Variants in KRT222 observed in about 807,000 individuals in gnomAD.
The protein encoded by KRT222 is keratin 222.
In KRT222, 23 loss-of-function variants were observed where a neutral mutation model predicts 35.0. The observed-to-expected ratio is 0.66, with a 90% CI of 0.47 to 0.93. KRT222 has a LOEUF of 0.93. KRT222 is among the 40% of genes least tolerant of loss of function. The pLI is 0.00. For synonymous variants in KRT222, 108 were observed against 118.8 expected, an observed-to-expected ratio of 0.91 and a Z score of 0.59; for missense variants, 339 against 346.3, an observed-to-expected ratio of 0.98 and a Z score of 0.17.
chr17:40,658,716 GT>G (rs1282785144), intron 3 of KRT222, among the ~76,000 whole-genome samples: 1 of 152,048 alleles, frequency 6.6e-6, no homozygotes, highest in Non-Finnish European at 1.5e-5. Context: ...GGCTAAAGTT[GT>G]TTCACCTAGT....
Position 40,659,151 on chromosome 17 carries a change from CTCTCTCT to C in KRT222, c.446+829_446+835del, listed in dbSNP as rs1419376615. ...AAAGTTAGGAAAGGTCTCTCTCTCTCTCTCTCTTTTTTTTTTTTTTTTGAGGTGGAGT... is the reference window on the plus strand; with the variant it reads ...AAAGTTAGGAAAGGTCTCTCTCTCTCTTTTTTTTTTTTTTTGAGGTGGAGT... On this transcript the variant is annotated intron_variant, in intron 3 of 5. Coordinates refer to ENST00000394052, the MANE Select transcript of KRT222 (RefSeq NM_152349.3). 1.1e-3 allele frequency among the ~76,000 whole-genome samples: 158 copies of C among 140,148 alleles called. 2 individuals carry two copies. Among genetic ancestry groups the C allele is most frequent in the Admixed American group, 0.01 (138 of 13,662 alleles). 91.9% of individuals were successfully genotyped at this position (140,148 alleles called of 152,430 possible).
At chr17:40,656,712 A>G (rs1597756210) in intron 5 of KRT222, 82 bp from the exon 6 acceptor site, 4 of 697,216 alleles carry the variant, frequency 5.7e-6, no homozygotes, top group Non-Finnish European at 9.4e-6. Context: ...ATATCTATGG[A>G]AAAATCAAGA....
Position 40,661,966 on chromosome 17 carries a change from G to T in KRT222, c.175C>A (p.Arg59=). Reference sequence around the variant, plus strand: ...ACTTGCAGGTGGTGCCACTGGCGTCGGGCCTCCTTGAGTTCTGCTTGAGCT... The same window carrying T: ...ACTTGCAGGTGGTGCCACTGGCGTCTGGCCTCCTTGAGTTCTGCTTGAGCT... ...KAAQAELKEA[R]RQWHHLQVEI... The change falls in exon 2 of 6, where the codon CGA becomes AGA. Residue 59 remains arginine (R), a synonymous_variant. Transcript: ENST00000394052. 6.2e-7 allele frequency: 1 copy of T among 1,614,050 alleles called. No homozygotes were observed. Among genetic ancestry groups the T allele is most frequent in the Non-Finnish European group, 8.5e-7 (1 of 1,180,008 alleles).
At chr17:40,664,928 G>C in intron 1 of KRT222, 76 bp downstream of exon 1, 1 of 1,606,028 alleles carries the variant, frequency 6.2e-7, no homozygotes. Context: ...GTACCTCAGA[G>C]AGGCCGGGAC....
chr17:40,661,846 T>C, intron 2 of KRT222, 70 bp downstream of exon 2: 1 of 1,543,698 alleles, frequency 6.5e-7, no homozygotes, highest in Non-Finnish European at 8.8e-7. Flanking sequence ...CAGACATTCA[T>C]CTTTTCCTTC....
In KRT222 at chr17:40,657,445, T is replaced by C; in HGVS notation, c.566A>G (p.Lys189Arg). 6.2e-7 allele frequency: 1 copy of C among 1,609,540 alleles called. No individual in the cohort carries two copies. Among genetic ancestry groups the C allele is most frequent in the Non-Finnish European group, 8.5e-7 (1 of 1,177,884 alleles). Residue 189 changes from lysine to arginine, a missense_variant, in exon 5 of 6, where the codon AAG becomes AGG. Transcript: ENST00000394052. Reference sequence around the variant, plus strand: ...TGTTTCTACATTTTCATTCTCATACTTTTGTGGGACTTTTGTAGTAAAAGA... The same window carrying C: ...TGTTTCTACATTTTCATTCTCATACCTTTGTGGGACTTTTGTAGTAAAAGA... ...EISFTTKVPQKYENENVETVT... is the reference protein window; with the variant it reads ...EISFTTKVPQRYENENVETVT...
chr17:40,664,438 T>G (rs1483021168), intron 1 of KRT222, among the ~76,000 whole-genome samples: 1 of 152,136 alleles, frequency 6.6e-6, no homozygotes, highest in Non-Finnish European at 1.5e-5. Context: ...CGTTACCAAT[T>G]TGGGGAATTT....
chr17:40,662,156 C>T, intron 1 of KRT222, 112 bp from the exon 2 acceptor site: 1 of 1,345,824 alleles, frequency 7.4e-7, no homozygotes, highest in Non-Finnish European at 1.0e-6. Flanking sequence ...AAGCATTTTT[C>T]CTTAACTCAT....
intron 3 of KRT222, 21 bp from the exon 4 acceptor site, chr17:40,657,771 A>G: frequency 1.3e-6 from 2 of 1,521,224 alleles, no homozygotes; most frequent in Non-Finnish European, 1.8e-6. Flanking sequence ...AAAGAATTTT[A>G]TTTTAAGAGC....
rs2037333946 is a variant in KRT222 at position 40,654,932 on chromosome 17, T to A, written c.*1470A>T. On this transcript the variant is annotated 3_prime_UTR_variant, in exon 6 of 6. Transcript: ENST00000394052. ...CCAGACTAAAAGGAATCTGAAGTAA[T>A]TGAAAGAAAATTAAAAATTTTATAT... The A allele has an allele frequency of 6.6e-6, 1 of 150,408 alleles. No homozygotes were observed. The highest frequency in any genetic ancestry group is 2.1e-4 in the South Asian group (1 of 4,820). 9.3% of individuals were successfully genotyped at this position (150,408 alleles called of 1,614,324 possible).
chr17:40,657,291 G>A (rs565722051), intron 5 of KRT222, 61 bp downstream of exon 5: 265 of 1,165,018 alleles, frequency 2.3e-4, no homozygotes, highest in South Asian at 1.1e-3. Flanking sequence ...CTGGGATTAC[G>A]CAAAGTTAAT....
intron 1 of KRT222, among the ~76,000 whole-genome samples, chr17:40,662,895 T>C (rs2037392610): frequency 6.6e-6 from 1 of 152,052 alleles, no homozygotes; most frequent in Admixed American, 6.5e-5. Flanking sequence ...AACTTTTAAT[T>C]TTCTTATAAA....
intron 5 of KRT222, 80 bp from the exon 6 acceptor site, chr17:40,656,710 G>A: frequency 1.3e-5 from 9 of 717,404 alleles, no homozygotes; most frequent in Non-Finnish European, 1.8e-5. Flanking sequence ...TCATATCTAT[G>A]GAAAAATCAA....
rs2037341974 is a variant in KRT222 at position 40,656,126 on chromosome 17, G to A, written c.*276C>T. The stretch of plus-strand genomic sequence containing the variant: ...TGATGAAGTTTCAAGGGAAAAAGAA[G>A]ACTATTGGGAGAATATAAAGAAAGA... On this transcript the variant is annotated 3_prime_UTR_variant, in exon 6 of 6. Transcript: ENST00000394052. The A allele has an allele frequency of 3.8e-6, 1 of 263,790 alleles. No individual in the cohort carries two copies. Among genetic ancestry groups the A allele is most frequent in the Admixed American group, 4.9e-5 (1 of 20,246 alleles). The allele number at this position is 263,790 out of a possible 1,614,324, so 16.3% of individuals were successfully genotyped here.
At chr17:40,656,691 T>A in intron 5 of KRT222, 61 bp from the exon 6 acceptor site, 5 of 867,972 alleles carry the variant, frequency 5.8e-6, no homozygotes, top group Non-Finnish European at 7.3e-6. Flanking sequence ...AAAATATGTA[T>A]TATATATTTC....
chr17:40,656,678 T>C, intron 5 of KRT222, 48 bp from the exon 6 acceptor site: 1 of 1,008,722 alleles, frequency 9.9e-7, no homozygotes, highest in Non-Finnish European at 1.5e-6. Context: ...TATGGGTCTA[T>C]TAAAAATATG....
chr17:40,656,633 GA>G lies in KRT222; in HGVS notation c.660-4del. 1 of 1,543,622 alleles carries G rather than the reference GA, an allele frequency of 6.5e-7. No individual in the cohort carries two copies. The highest frequency in any genetic ancestry group is 1.1e-5 in the South Asian group (1 of 89,160). ...TAACTTCATCCACTTTCTCTGTCCT[GA>G]AATGATAAAATAAACCTTTTAATAA... On this transcript the variant is annotated splice_polypyrimidine_tract_variant and splice_region_variant and intron_variant, in intron 5 of 5. Coordinates refer to ENST00000394052, the MANE Select transcript of KRT222 (RefSeq NM_152349.3).
chr17:40,657,420 T>G lies in KRT222; in HGVS notation c.591A>C (p.Thr197=), dbSNP rs752566287. Residue 197 remains threonine (T), a synonymous_variant, in exon 5 of 6, where the codon ACA becomes ACC. Transcript: ENST00000394052. ...PQKYENENVE[T]VTKQAILNGS... ...CATTTAAGATTGCCTGTTTGGTTAC[T>G]GTTTCTACATTTTCATTCTCATACT... The G allele has an allele frequency of 1.9e-6, 3 of 1,611,160 alleles. No homozygotes were observed. In the South Asian group the frequency reaches 3.3e-5, roughly 18 times the overall value.
At chr17:40,659,580 T>C (rs1173381978) in intron 3 of KRT222, among the ~76,000 whole-genome samples, 2 of 152,070 alleles carry the variant, frequency 1.3e-5, no homozygotes, top group African/African-American at 4.8e-5. Context: ...TGTGCCACCA[T>C]GCTCAGCGAA....
Sources: gnomAD v4.1 joint callset for allele counts (sites outside exome capture counted in the v4.1 genomes callset) on GRCh38, gnomAD v4.1.1 for gene constraint, MANE v1.5 for transcripts, NCBI Gene and HGNC (gene_info 2026-07-23, HGNC 2026-07-21) for gene names.